Variants in RPTOR observed in about 807,000 individuals in gnomAD.
RPTOR encodes regulatory associated protein of MTOR complex 1.
In RPTOR, 21 loss-of-function variants were observed where a neutral mutation model predicts 169.9. The observed-to-expected ratio is 0.12, with a 90% CI of 0.09 to 0.18. The LOEUF (loss-of-function observed/expected upper bound fraction) is 0.18, where lower values mean the gene tolerates loss of function less well. Among genes scored for constraint, RPTOR ranks in the 10% least tolerant of loss-of-function variants. The pLI is 1.00. For missense variants in RPTOR, 1,133 were observed against 1,855.9 expected, an observed-to-expected ratio of 0.61 and a Z score of 7.16; for synonymous variants, 732 against 753.2, an observed-to-expected ratio of 0.97 and a Z score of 0.46.
At chr17:80,597,426 G>C (rs8065287) in intron 1 of RPTOR, among the ~76,000 whole-genome samples, 37,562 of 152,110 alleles carry the variant, frequency 0.25, 4,673 homozygotes, top group African/African-American at 0.29. Context: ...GTAGCCTGGG[G>C]ACCAGGTGAA....
Position 80,878,352 on chromosome 17 carries a change from AT to A in RPTOR, c.1510-2051del, listed in dbSNP as rs1309028931. ...CTCTGACTCCACGACCTGAGCACAG[AT>A]TTTTTTTTTTTGAGACGTAGTCTTG... On this transcript the variant is annotated intron_variant, in intron 13 of 33. Transcript: ENST00000306801. The surrounding 1 kb of genome is among the most constrained non-coding windows in gnomAD (Gnocchi z 4.1). Among the ~76,000 whole-genome samples, 790 of 147,680 alleles carry A rather than the reference AT, an allele frequency of 5.3e-3. 5 individuals carry two copies. The highest frequency in any genetic ancestry group is 0.035 in the Middle Eastern group (10 of 286).
chr17:80,678,672 C>G (rs2065876760), intron 3 of RPTOR, among the ~76,000 whole-genome samples: 1 of 152,220 alleles, frequency 6.6e-6, no homozygotes, highest in Non-Finnish European at 1.5e-5. Flanking sequence ...GACAGTCACC[C>G]ATTCACGTTT....
At chr17:80,780,800 C>A (rs901363384) in intron 6 of RPTOR, among the ~76,000 whole-genome samples, 1 of 152,146 alleles carries the variant, frequency 6.6e-6, no homozygotes, top group Non-Finnish European at 1.5e-5. Flanking sequence ...CTCACACAGC[C>A]CCTCCGGCTC....
Position 80,892,880 on chromosome 17 carries a change from G to A in RPTOR, c.2242+11G>A. On this transcript the variant is annotated intron_variant, in intron 19 of 33. Transcript: ENST00000306801. ...GTTTGACAGAGGAATGTAAGATCCTGGAAATCGGGTTATTGGATTGGGAGA... is the reference window on the plus strand; with the variant it reads ...GTTTGACAGAGGAATGTAAGATCCTAGAAATCGGGTTATTGGATTGGGAGA... The A allele has an allele frequency of 1.2e-6, 2 of 1,612,472 alleles. No homozygotes were observed. The highest frequency in any genetic ancestry group is 1.1e-5 in the South Asian group (1 of 90,928).
At chr17:80,637,003 A>G (rs1467335899) in intron 2 of RPTOR, among the ~76,000 whole-genome samples, 1 of 152,166 alleles carries the variant, frequency 6.6e-6, no homozygotes. Context: ...ATTTCGTTTT[A>G]CAAATTAAAC....
intron 1 of RPTOR, among the ~76,000 whole-genome samples, chr17:80,598,171 G>A (rs536345830): frequency 4.3e-4 from 65 of 152,134 alleles, no homozygotes; most frequent in African/African-American, 1.5e-3. Context: ...CTTGAGATGT[G>A]GGGCGTGTGG....
At chr17:80,818,069 G>A (rs753368478) in intron 7 of RPTOR, among the ~76,000 whole-genome samples, 7 of 152,196 alleles carry the variant, frequency 4.6e-5, no homozygotes, top group Non-Finnish European at 7.3e-5. Flanking sequence ...GAGGAGGCGC[G>A]GGCCCTGTTG....
chr17:80,615,608 A>G (rs759516016), intron 1 of RPTOR, among the ~76,000 whole-genome samples: 1 of 152,092 alleles, frequency 6.6e-6, no homozygotes, highest in African/African-American at 2.4e-5. Context: ...CATGCCTTTC[A>G]TCTCTGATAC....
Position 80,947,480 on chromosome 17 carries a change from T to C in RPTOR, c.3265+129T>C. 1 of 1,240,050 alleles carries C rather than the reference T, an allele frequency of 8.1e-7. No individual in the cohort carries two copies. Among genetic ancestry groups the C allele is most frequent in the East Asian group, 3.0e-5 (1 of 33,168 alleles). 76.8% of individuals were successfully genotyped at this position (1,240,050 alleles called of 1,614,324 possible). On this transcript the variant is annotated intron_variant, in intron 27 of 33. Transcript: ENST00000306801. The surrounding 1 kb of genome is among the most constrained non-coding windows in gnomAD (Gnocchi z 4.4). ...CCCTGCTCACACGCGAGGGCCACTG[T>C]CATTCAGAAGTGGGGAGGTTTATGA...
chr17:80,677,367 A>G (rs2065868242), intron 3 of RPTOR, among the ~76,000 whole-genome samples: 1 of 152,144 alleles, frequency 6.6e-6, no homozygotes, highest in South Asian at 2.1e-4. Context: ...CACTCTGGAG[A>G]CATTCTAGGT....
rs1338453160 is a variant in RPTOR, at chr17:80,774,256, G to T, written c.831-17194G>T. Reference sequence around the variant, plus strand: ...GCGCCCGTGTGATGATGATGCTCACGCTCCGGTGTGACACAGACGGCGCGG... The same window carrying T: ...GCGCCCGTGTGATGATGATGCTCACTCTCCGGTGTGACACAGACGGCGCGG... On this transcript the variant is annotated intron_variant, in intron 6 of 33. Transcript: ENST00000306801. The T allele has an allele frequency of 5.1e-6, 5 of 985,304 alleles. No homozygotes were observed. In the South Asian group the frequency reaches 1.9e-4, roughly 37 times the overall value. 61.0% of individuals were successfully genotyped at this position (985,304 alleles called of 1,614,324 possible). A position where few individuals can be genotyped will look rare whatever the true frequency, so the allele number is the denominator to read the frequency against.
intron 3 of RPTOR, among the ~76,000 whole-genome samples, chr17:80,652,297 C>T (rs755036804): frequency 1.7e-4 from 26 of 152,338 alleles, no homozygotes; most frequent in Non-Finnish European, 2.8e-4. Flanking sequence ...AAACCCAAAG[C>T]CCATCGGCAG....
chr17:80,884,664 T>C (rs2068223780), intron 16 of RPTOR, among the ~76,000 whole-genome samples: 2 of 152,164 alleles, frequency 1.3e-5, no homozygotes, highest in South Asian at 4.1e-4. Flanking sequence ...CCCTCCCCTC[T>C]TTCCACCCTC....
chr17:80,892,977 G>A lies in RPTOR; in HGVS notation c.2242+108G>A. On this transcript the variant is annotated intron_variant, in intron 19 of 33. Transcript: ENST00000306801. ...TCTGCCCCTGCCCCTTCGTCTAAGT[G>A]CGTGCCCTGAAGTCCCATCTGCCAA... The A allele has an allele frequency of 4.4e-6, 6 of 1,358,142 alleles. No homozygotes were observed. In the South Asian group the frequency reaches 8.2e-5, roughly 19 times the overall value. The allele number at this position is 1,358,142 out of a possible 1,614,324, so 84.1% of individuals were successfully genotyped here.
chr17:80,945,987 C>T (rs532931535), intron 26 of RPTOR, among the ~76,000 whole-genome samples: 1 of 152,328 alleles, frequency 6.6e-6, no homozygotes, highest in African/African-American at 2.4e-5. Context: ...GGGCCTGGCC[C>T]TGTCCTTGTC....
chr17:80,899,032 G>T, intron 20 of RPTOR, among the ~76,000 whole-genome samples: 1 of 152,066 alleles, frequency 6.6e-6, no homozygotes, highest in Non-Finnish European at 1.5e-5. Context: ...ATGCCCTCCA[G>T]GGTATGGAGA....
intron 7 of RPTOR, among the ~76,000 whole-genome samples, chr17:80,807,830 G>A (rs757761120): frequency 8.5e-5 from 13 of 152,066 alleles, no homozygotes; most frequent in Non-Finnish European, 1.6e-4. Context: ...CTTAGACTTT[G>A]CAGGCCATGT....
intron 13 of RPTOR, among the ~76,000 whole-genome samples, chr17:80,874,176 G>A (rs1054166544): frequency 6.6e-6 from 1 of 151,870 alleles, no homozygotes; most frequent in East Asian, 1.9e-4. Flanking sequence ...GTAGACGTGG[G>A]TATGTCTGGC....
At chr17:80,863,868 C>T (rs371519355) in intron 13 of RPTOR, among the ~76,000 whole-genome samples, 9 of 152,062 alleles carry the variant, frequency 5.9e-5, no homozygotes, top group Non-Finnish European at 1.0e-4. Flanking sequence ...TGCAAAGAGC[C>T]GTGATTGTGC....
Sources: gnomAD v4.1 joint callset for allele counts (sites outside exome capture counted in the v4.1 genomes callset) on GRCh38, gnomAD v4.1.1 for gene constraint, Gnocchi (gnomAD v3.1) non-coding constraint, MANE v1.5 for transcripts, NCBI Gene and HGNC (gene_info 2026-07-23, HGNC 2026-07-21) for gene names.